Variants in MARCHF1 observed in about 807,000 individuals in gnomAD.
The protein encoded by MARCHF1 is E3 ubiquitin-protein ligase MARCHF1.
A neutral mutation model predicts 54.2 loss-of-function variants in MARCHF1; 40 were observed. That is an observed-to-expected ratio of 0.74 (90% CI 0.57 to 0.96). The LOEUF is 0.96. Among genes scored for constraint, MARCHF1 ranks in the 40% least tolerant of loss-of-function variants. MARCHF1 has a pLI of 0.00. For missense variants in MARCHF1, 586 were observed against 656.5 expected, an observed-to-expected ratio of 0.89 and a Z score of 1.17; for synonymous variants, 236 against 236.3, an observed-to-expected ratio of 1.00 and a Z score of 0.01.
chr4:164,285,919 T>A (rs1405720353), intron 1 of MARCHF1, among the ~76,000 whole-genome samples: 1 of 151,594 alleles, frequency 6.6e-6, no homozygotes, highest in Non-Finnish European at 1.5e-5. Flanking sequence ...CCAGCAGAAC[T>A]TCTCATAAAA....
At chr4:164,100,700 G>A (rs1216693192) in intron 2 of MARCHF1, among the ~76,000 whole-genome samples, 5 of 152,178 alleles carry the variant, frequency 3.3e-5, no homozygotes, top group African/African-American at 1.2e-4. Context: ...CCTATTTTAA[G>A]CCTGCTGGAG....
At chr4:163,805,507 A>T (rs1050207282) in intron 4 of MARCHF1, among the ~76,000 whole-genome samples, 9 of 152,206 alleles carry the variant, frequency 5.9e-5, no homozygotes, top group African/African-American at 2.2e-4. Flanking sequence ...TTTGAGCCCC[A>T]AACATTAAAT....
intron 2 of MARCHF1, among the ~76,000 whole-genome samples, chr4:164,086,320 A>G (rs1755190991): frequency 6.6e-6 from 1 of 151,938 alleles, no homozygotes. Context: ...TCAAATGATT[A>G]TCATTAGAAA....
In MARCHF1 at chr4:163,937,210, A is replaced by C. The variant is rs991609438; in HGVS notation, c.-39+51291T>G. ...CCACCAAGCCTTACATAAAATAATA[A>C]ATGAAATGAGGGAAGAGAAAAAGAA... On this transcript the variant is annotated intron_variant, in intron 3 of 9. Transcript: ENST00000514618. 8.5e-5 allele frequency among the ~76,000 whole-genome samples: 13 copies of C among 152,274 alleles called. 1 individual carries two copies. The East Asian group carries it at 2.3e-3, about 27-fold the overall frequency.
intron 4 of MARCHF1, among the ~76,000 whole-genome samples, chr4:163,755,700 C>A (rs1037393416): frequency 8.0e-5 from 12 of 150,940 alleles, no homozygotes; most frequent in Non-Finnish European, 1.3e-4. Flanking sequence ...AAAAGAAGAT[C>A]ACCAAAATAA....
chr4:164,061,262 A>G (rs2111067998), intron 2 of MARCHF1, among the ~76,000 whole-genome samples: 1 of 152,194 alleles, frequency 6.6e-6, no homozygotes, highest in Admixed American at 6.5e-5. Flanking sequence ...ATTTCTCATG[A>G]ATAGTCATGT....
chr4:163,912,562 A>G (rs770751703), intron 3 of MARCHF1, among the ~76,000 whole-genome samples: 28 of 152,220 alleles, frequency 1.8e-4, no homozygotes, highest in Non-Finnish European at 8.8e-5. Flanking sequence ...GTTGGATCTA[A>G]GCATGGCTGA....
At position 163,855,233 on chromosome 4, in the gene MARCHF1, A is replaced by G. The variant is rs79338574; in HGVS notation, c.-38-1064T>C. Among the ~76,000 whole-genome samples the G allele has an allele frequency of 7.2e-5, 11 of 152,306 alleles. No homozygotes were observed. The East Asian group carries it at 2.1e-3, about 29-fold the overall frequency. On this transcript the variant is annotated intron_variant, in intron 3 of 9. Coordinates refer to ENST00000514618, the MANE Select transcript of MARCHF1 (RefSeq NM_001394959.1). ...AAGTGATAAAAAAGATCTTTTATTA[A>G]AAATGTCTAAGATACTCAACAGAAT...
In MARCHF1 at chr4:163,942,697, T is replaced by G. The variant is rs565136491; in HGVS notation, c.-39+45804A>C. Among the ~76,000 whole-genome samples the G allele has an allele frequency of 1.9e-4, 29 of 152,316 alleles. No homozygotes were observed. The South Asian group carries it at 6.0e-3, about 32-fold the overall frequency. ...ATATGGCCCTGCACACAAAATGTTT[T>G]TCCCCTATTTATTCCTCCCCATAGG... On this transcript the variant is annotated intron_variant, in intron 3 of 9. Coordinates refer to ENST00000514618, the MANE Select transcript of MARCHF1 (RefSeq NM_001394959.1).
chr4:163,715,471 C>T (rs1336174908), intron 4 of MARCHF1, among the ~76,000 whole-genome samples: 2 of 152,156 alleles, frequency 1.3e-5, no homozygotes, highest in African/African-American at 4.8e-5. Flanking sequence ...GTTACCTGAA[C>T]TTCTAGTATT....
At chr4:164,046,899 G>A (rs1483985788) in intron 2 of MARCHF1, among the ~76,000 whole-genome samples, 1 of 151,956 alleles carries the variant, frequency 6.6e-6, no homozygotes, top group African/African-American at 2.4e-5. Context: ...GTGGAGAGTT[G>A]GGAAATGCAT....
intron 3 of MARCHF1, among the ~76,000 whole-genome samples, chr4:163,937,114 T>C (rs1751812746): frequency 6.6e-6 from 1 of 152,160 alleles, no homozygotes; most frequent in African/African-American, 2.4e-5. Flanking sequence ...TGTTCAGTAG[T>C]CCTCTATTTC....
intron 5 of MARCHF1, among the ~76,000 whole-genome samples, chr4:163,614,980 A>G (rs1741464646): frequency 6.6e-6 from 1 of 152,132 alleles, no homozygotes; most frequent in African/African-American, 2.4e-5. Flanking sequence ...CTAGAAAATG[A>G]GTTCTAGAGT....
chr4:163,723,730 C>T (rs564345756), intron 4 of MARCHF1, among the ~76,000 whole-genome samples: 3 of 152,084 alleles, frequency 2.0e-5, no homozygotes, highest in Admixed American at 2.0e-4. Context: ...TGTCTTTTTA[C>T]TCTTTTTTCT....
At chr4:163,549,560 A>G (rs1423276466) in intron 8 of MARCHF1, among the ~76,000 whole-genome samples, 1 of 152,192 alleles carries the variant, frequency 6.6e-6, no homozygotes, top group Non-Finnish European at 1.5e-5. Context: ...GGGATGAGCT[A>G]AGATTAGGCA....
intron 2 of MARCHF1, among the ~76,000 whole-genome samples, chr4:164,039,462 T>C (rs1203286760): frequency 1.3e-5 from 2 of 152,194 alleles, no homozygotes; most frequent in Non-Finnish European, 2.9e-5. Flanking sequence ...ATCCTTTCTA[T>C]GTGCTATTAC....
intron 5 of MARCHF1, among the ~76,000 whole-genome samples, chr4:163,672,171 T>C (rs1490369613): frequency 1.3e-5 from 2 of 152,230 alleles, no homozygotes; most frequent in African/African-American, 4.8e-5. Context: ...ACTTTATCTA[T>C]AAAATTGGGA....
intron 4 of MARCHF1, among the ~76,000 whole-genome samples, chr4:163,851,138 GA>G (rs199603316): frequency 3.9e-4 from 59 of 150,796 alleles, no homozygotes; most frequent in East Asian, 2.5e-3. Flanking sequence ...CCCCAAACAG[GA>G]AAAAAAAATT....
intron 3 of MARCHF1, among the ~76,000 whole-genome samples, chr4:163,957,276 G>A (rs1752250220): frequency 6.6e-6 from 1 of 152,000 alleles, no homozygotes; most frequent in Non-Finnish European, 1.5e-5. Flanking sequence ...TTCTGTGTAT[G>A]TGTGTAGTAA....
Sources: gnomAD v4.1 joint callset for allele counts (sites outside exome capture counted in the v4.1 genomes callset) on GRCh38, gnomAD v4.1.1 for gene constraint, MANE v1.5 for transcripts, NCBI Gene and HGNC (gene_info 2026-07-23, HGNC 2026-07-21) for gene names.